ATP11C: variants seen among roughly 807,000 people sequenced by gnomAD.
ATP11C encodes phospholipid-transporting ATPase IG.
ATP11C carries 36 observed loss-of-function variants against 97.4 expected under a neutral mutation model. The observed-to-expected ratio is 0.37, with a 90% confidence interval of 0.28 to 0.49. The LOEUF (loss-of-function observed/expected upper bound fraction) is 0.49, where lower values mean the gene tolerates loss of function less well. Ranked by LOEUF, ATP11C falls within the 20% of genes least tolerant of loss-of-function variation. ATP11C has a pLI of 0.98. For synonymous variants in ATP11C, 275 were observed against 290.9 expected (o/e 0.95, Z 0.56); for missense variants, 730 against 824.6 (o/e 0.89, Z 1.40).
intron 1 of ATP11C, among the ~76,000 whole-genome samples, chrX:139,857,041 C>A (rs2084101427): frequency 8.9e-6 from 1 of 112,091 alleles, no homozygotes; most frequent in African/African-American, 3.2e-5. Flanking sequence ...GACCTCTTTA[C>A]AGGATGGCTA....
At chrX:139,876,521 G>A (rs1023139734) in intron 1 of ATP11C, among the ~76,000 whole-genome samples, 1 of 112,110 alleles carries the variant, frequency 8.9e-6, no homozygotes. Flanking sequence ...AGCTTTGAAC[G>A]CCTGAGCCTA....
chrX:139,745,992 G>GT, intron 24 of ATP11C, 135 bp from the exon 25 acceptor site: 1 of 672,732 alleles, frequency 1.5e-6, no homozygotes, highest in East Asian at 3.5e-5. Flanking sequence ...CAGATTTTTG[G>GT]TAAAGGGTCA....
At chrX:139,834,111 T>C (rs1379610353) in intron 1 of ATP11C, among the ~76,000 whole-genome samples, 2 of 111,591 alleles carry the variant, frequency 1.8e-5, no homozygotes, top group Admixed American at 1.9e-4. Context: ...GCACGGGAAA[T>C]TTTGGTGCTA....
intron 1 of ATP11C, among the ~76,000 whole-genome samples, chrX:139,930,934 A>G (rs761018554): frequency 8.9e-6 from 1 of 112,506 alleles, no homozygotes; most frequent in Non-Finnish European, 1.9e-5. Context: ...AACCAAATCG[A>G]CATGTTCTCA....
At chrX:139,759,897 C>A (rs1490197670) in intron 22 of ATP11C, among the ~76,000 whole-genome samples, 1 of 111,749 alleles carries the variant, frequency 8.9e-6, no homozygotes, top group Non-Finnish European at 1.9e-5. Flanking sequence ...GCTTAAATTG[C>A]AGGCCAAAAC....
At chrX:139,822,399 TTTTGTTTGTTTG>T (rs199924938) in intron 2 of ATP11C, among the ~76,000 whole-genome samples, 2 of 104,717 alleles carry the variant, frequency 1.9e-5, no homozygotes, top group Non-Finnish European at 3.8e-5. Context: ...TTTGGGTTTT[TTTTGTTTGTTTG>T]TTTGTTTGTT....
At chrX:139,838,910 T>C (rs1451011811) in intron 1 of ATP11C, among the ~76,000 whole-genome samples, 3 of 108,176 alleles carry the variant, frequency 2.8e-5, no homozygotes, top group African/African-American at 1.0e-4. Flanking sequence ...ATCACACCAC[T>C]GCACTCCAGC....
At chrX:139,842,658 AGGCTGACTGG>A (rs1486630662) in intron 1 of ATP11C, among the ~76,000 whole-genome samples, 1 of 112,522 alleles carries the variant, frequency 8.9e-6, no homozygotes, top group Non-Finnish European at 1.9e-5. Context: ...TGAAATGTAG[AGGCTGACTGG>A]GGCTGCGTAG....
chrX:139,793,062 C>T (rs972851440), intron 12 of ATP11C, among the ~76,000 whole-genome samples: 5 of 111,374 alleles, frequency 4.5e-5, no homozygotes, highest in Admixed American at 9.5e-5. Context: ...CTGATGTTAT[C>T]TCCAGGTAGA....
upstream of ATP11C, among the ~76,000 whole-genome samples, chrX:139,935,340 T>C (rs1489565408): frequency 9.0e-6 from 1 of 111,127 alleles, no homozygotes; most frequent in Admixed American, 9.6e-5. Context: ...CCAAGGTGAG[T>C]GGATCACCTG....
intron 1 of ATP11C, among the ~76,000 whole-genome samples, chrX:139,927,395 A>G (rs1039401975): frequency 9.0e-6 from 1 of 111,675 alleles, no homozygotes; most frequent in African/African-American, 3.3e-5. Context: ...TGAGGTCAAG[A>G]GCTCGAGACT....
chrX:139,770,770 G>C (rs1032554458), intron 19 of ATP11C, among the ~76,000 whole-genome samples: 3 of 111,616 alleles, frequency 2.7e-5, no homozygotes, highest in Admixed American at 9.5e-5. Flanking sequence ...ATCTGAGACA[G>C]TGACAGTAAA....
In ATP11C at chrX:139,861,138, T is replaced by C. The variant is rs778059461; in HGVS notation, c.28-34315A>G. 1.1e-4 allele frequency among the ~76,000 whole-genome samples: 12 copies of C among 112,136 alleles called. No individual in the cohort carries two copies. The East Asian group carries it at 2.8e-3, about 26-fold the overall frequency. On this transcript the variant is annotated intron_variant, in intron 1 of 29. Transcript: ENST00000682941. The stretch of plus-strand genomic sequence containing the variant: ...AGTACGGCAGCCTTAACAAGACTAA[T>C]CTGTTTTTAGACCAAGTATCCCAAA...
At chrX:139,788,450 A>G in intron 13 of ATP11C, 107 bp from the exon 14 acceptor site, 1 of 736,977 alleles carries the variant, frequency 1.4e-6, no homozygotes, top group East Asian at 3.3e-5. Flanking sequence ...TGTAACTTCT[A>G]ACAAACTTAG....
At chrX:139,864,944 T>G (rs1335633758) in intron 1 of ATP11C, among the ~76,000 whole-genome samples, 2 of 112,152 alleles carry the variant, frequency 1.8e-5, no homozygotes, top group African/African-American at 6.5e-5. Context: ...GTGGAACAGA[T>G]CCACTAGCTT....
chrX:139,920,910 G>C (rs1230774762), intron 1 of ATP11C, among the ~76,000 whole-genome samples: 1 of 111,609 alleles, frequency 9.0e-6, no homozygotes. Flanking sequence ...CTTGAATGGT[G>C]GTAGGTGTGG....
chrX:139,885,639 T>G (rs915541545), intron 1 of ATP11C: 3 of 112,174 alleles, frequency 2.7e-5, no homozygotes, highest in African/African-American at 9.7e-5. Context: ...ATTATTGCCA[T>G]GTGGAATTTA....
chrX:139,832,273 C>A, intron 1 of ATP11C: 1 of 1,168,568 alleles, frequency 8.6e-7, no homozygotes, highest in East Asian at 3.1e-5. Flanking sequence ...TGTACCAACC[C>A]CTGTGATCCT....
intron 1 of ATP11C, among the ~76,000 whole-genome samples, chrX:139,912,572 A>G (rs906528879): frequency 4.1e-4 from 46 of 111,558 alleles, no homozygotes; most frequent in Non-Finnish European, 6.0e-4. Flanking sequence ...TAGAGGCACC[A>G]TAACAAAGAA....
Sources: allele counts gnomAD v4.1 joint callset (sites outside exome capture counted in the v4.1 genomes callset), GRCh38; gene constraint gnomAD v4.1.1; transcripts MANE v1.5; gene names NCBI Gene and HGNC (gene_info 2026-07-23, HGNC 2026-07-21).